Variants in SORCS3 observed in about 807,000 individuals in gnomAD.
SORCS3 encodes sortilin related VPS10 domain containing receptor 3, also known as VPS10 domain-containing receptor SorCS3.
SORCS3 carries 57 observed loss-of-function variants against 146.3 expected under a neutral mutation model. The ratio of observed to expected loss-of-function variants is 0.39; its 90% CI spans 0.31 to 0.49. SORCS3 has a LOEUF of 0.49. SORCS3 is among the 20% of genes least tolerant of loss of function. The pLI is 0.92. For missense variants in SORCS3, 1,341 were observed against 1,575.5 expected, an observed-to-expected ratio of 0.85 and a Z score of 2.52; for synonymous variants, 653 against 618.5, an observed-to-expected ratio of 1.06 and a Z score of -0.83.
At chr10:105,067,402 C>T (rs745541066) in intron 5 of SORCS3, among the ~76,000 whole-genome samples, 21 of 152,148 alleles carry the variant, frequency 1.4e-4, no homozygotes, top group African/African-American at 3.9e-4. Flanking sequence ...TGGCAGGCGC[C>T]GGTATTCCCA....
rs367638022 is a variant in SORCS3 at position 105,064,995 on chromosome 10, A to G, written c.1028+21867A>G. On this transcript the variant is annotated intron_variant, in intron 5 of 26. Coordinates refer to ENST00000369701, the MANE Select transcript of SORCS3 (RefSeq NM_014978.3). ...TATATATGACAGGGAACCGGAACCTAACCTAGTCAGATATATAAACATACT... is the reference window on the plus strand; with the variant it reads ...TATATATGACAGGGAACCGGAACCTGACCTAGTCAGATATATAAACATACT... Among the ~76,000 whole-genome samples the G allele has an allele frequency of 5.3e-5, 8 of 152,336 alleles. No homozygotes were observed. In the East Asian group the frequency reaches 9.6e-4, roughly 18 times the overall value.
intron 3 of SORCS3, among the ~76,000 whole-genome samples, chr10:104,961,313 G>C (rs1033813561): frequency 2.0e-5 from 3 of 152,142 alleles, no homozygotes; most frequent in Non-Finnish European, 4.4e-5. Context: ...CAACTCACAT[G>C]TCTTCATCCT....
chr10:104,749,058 G>A (rs944311540), intron 1 of SORCS3, among the ~76,000 whole-genome samples: 2 of 152,184 alleles, frequency 1.3e-5, no homozygotes, highest in Non-Finnish European at 2.9e-5. Flanking sequence ...ATGGGGGGCA[G>A]GCAATTCCAA....
At chr10:104,916,242 G>A (rs2019026268) in intron 3 of SORCS3, among the ~76,000 whole-genome samples, 1 of 152,186 alleles carries the variant, frequency 6.6e-6, no homozygotes, top group Non-Finnish European at 1.5e-5. Flanking sequence ...GAAGCTCAGA[G>A]AGATGAAGTA....
rs185784044 is a variant in SORCS3 at position 105,084,920 on chromosome 10, C to T, written c.1029-4855C>T. On this transcript the variant is annotated intron_variant, in intron 5 of 26. Coordinates refer to ENST00000369701, the MANE Select transcript of SORCS3 (RefSeq NM_014978.3). ...TGTTTTTGTATTTTTTTAGTAGAGA[C>T]GGGGTTTCACCATGTTAGCCAGGAT... Among the ~76,000 whole-genome samples the T allele has an allele frequency of 7.2e-3, 1,093 of 151,940 alleles. 13 individuals are homozygous for T. Among genetic ancestry groups the T allele is most frequent in the African/African-American group, 0.024 (994 of 41,452 alleles).
intron 1 of SORCS3, among the ~76,000 whole-genome samples, chr10:104,776,285 C>T (rs1242076860): frequency 1.3e-5 from 2 of 152,112 alleles, no homozygotes; most frequent in Admixed American, 6.5e-5. Flanking sequence ...TTACTAACAT[C>T]TCCCTTCAGG....
chr10:104,871,981 C>G (rs910071948), intron 2 of SORCS3, among the ~76,000 whole-genome samples: 18 of 152,138 alleles, frequency 1.2e-4, no homozygotes, highest in Admixed American at 5.9e-4. Flanking sequence ...GACTTCTGCT[C>G]TCTCACACCC....
At chr10:105,226,344 C>T (rs2119678629) in intron 20 of SORCS3, among the ~76,000 whole-genome samples, 1 of 152,058 alleles carries the variant, frequency 6.6e-6, no homozygotes, top group South Asian at 2.1e-4. Context: ...TCTATTGATG[C>T]AATGTACCAC....
intron 15 of SORCS3, 95 bp from the exon 16 acceptor site, chr10:105,201,025 T>G (rs2056571346): frequency 3.6e-4 from 491 of 1,361,740 alleles, no homozygotes; most frequent in Non-Finnish European, 4.5e-4. Flanking sequence ...AGTACCTAAA[T>G]GAGAATGAAC....
intron 2 of SORCS3, among the ~76,000 whole-genome samples, chr10:104,905,712 C>T (rs1564710240): frequency 6.6e-6 from 1 of 152,088 alleles, no homozygotes; most frequent in Non-Finnish European, 1.5e-5. Context: ...AAGATGTGGT[C>T]CCAGAAAGCC....
intron 1 of SORCS3, among the ~76,000 whole-genome samples, chr10:104,705,096 G>T (rs1020414044): frequency 1.3e-5 from 2 of 152,104 alleles, no homozygotes; most frequent in East Asian, 3.9e-4. Context: ...CCAATTCTTG[G>T]TAATTGAAAA....
At chr10:104,849,086 C>G (rs1159421859) in intron 2 of SORCS3, among the ~76,000 whole-genome samples, 1 of 151,988 alleles carries the variant, frequency 6.6e-6, no homozygotes, top group African/African-American at 2.4e-5. Flanking sequence ...ATATTATATC[C>G]TATTTTTCCA....
intron 7 of SORCS3, among the ~76,000 whole-genome samples, chr10:105,106,855 G>A (rs703456): frequency 0.51 from 76,755 of 151,960 alleles, 19,626 homozygotes; most frequent in Middle Eastern, 0.54. Flanking sequence ...TCTCTTATTC[G>A]TAAGTGTTTG....
At chr10:104,942,637 A>G (rs780852681) in intron 3 of SORCS3, among the ~76,000 whole-genome samples, 3 of 152,236 alleles carry the variant, frequency 2.0e-5, no homozygotes, top group African/African-American at 7.2e-5. Flanking sequence ...TCACTTTAAC[A>G]TTCAAAAATC....
At chr10:104,972,421 AC>A (rs2054865970) in intron 3 of SORCS3, among the ~76,000 whole-genome samples, 1 of 152,174 alleles carries the variant, frequency 6.6e-6, no homozygotes, top group African/African-American at 2.4e-5. Context: ...TTGCTCAAGG[AC>A]CTTTGGGGCT....
At chr10:105,014,766 AT>A (rs1390157462) in intron 4 of SORCS3, among the ~76,000 whole-genome samples, 1 of 152,190 alleles carries the variant, frequency 6.6e-6, no homozygotes, top group Non-Finnish European at 1.5e-5. Flanking sequence ...TGATTAGGTC[AT>A]GAATGTGATT....
chr10:105,063,187 A>G (rs2055499415), intron 5 of SORCS3, among the ~76,000 whole-genome samples: 2 of 152,166 alleles, frequency 1.3e-5, no homozygotes, highest in Admixed American at 6.5e-5. Context: ...TGGACTCCCG[A>G]TGATTTATGA....
intron 1 of SORCS3, among the ~76,000 whole-genome samples, chr10:104,648,451 T>C (rs2015519870): frequency 6.6e-6 from 1 of 152,220 alleles, no homozygotes; most frequent in Non-Finnish European, 1.5e-5. Context: ...GTAGGATAGA[T>C]TGAGGCCCCA....
intron 25 of SORCS3, among the ~76,000 whole-genome samples, chr10:105,261,678 C>T (rs2056961254): frequency 6.6e-6 from 1 of 152,216 alleles, no homozygotes; most frequent in East Asian, 1.9e-4. Flanking sequence ...TCTCCAACCC[C>T]AAGCTAGTCT....
Sources: allele counts gnomAD v4.1 joint callset (sites outside exome capture counted in the v4.1 genomes callset), GRCh38; gene constraint gnomAD v4.1.1; transcripts MANE v1.5; gene names NCBI Gene and HGNC (gene_info 2026-07-23, HGNC 2026-07-21).